Variants in CLIP4 observed in about 807,000 individuals in gnomAD.
CLIP4 encodes CAP-Gly domain-containing linker protein 4.
In CLIP4, 47 loss-of-function variants were observed where a neutral mutation model predicts 73.1. That is an observed-to-expected ratio of 0.64 (90% CI 0.51 to 0.82). The LOEUF is 0.82. Among genes scored for constraint, CLIP4 ranks in the 40% least tolerant of loss-of-function variants. The probability of loss-of-function intolerance (pLI) is 0.00; values close to 1 mark genes in which losing one functional copy is unlikely to be tolerated. For missense variants in CLIP4, 874 were observed against 852.9 expected (o/e 1.02, Z -0.31); for synonymous variants, 306 against 295.4 (o/e 1.04, Z -0.37).
chr2:29,175,792 T>C (rs912142675), intron 15 of CLIP4, among the ~76,000 whole-genome samples: 17 of 152,282 alleles, frequency 1.1e-4, no homozygotes, highest in African/African-American at 3.1e-4. Context: ...GACAGAGTCT[T>C]GCTCTGTCAC....
At chr2:29,157,458 T>C in intron 11 of CLIP4, 111 bp downstream of exon 11, 2 of 1,561,512 alleles carry the variant, frequency 1.3e-6, no homozygotes, top group Non-Finnish European at 1.8e-6. Context: ...TTCAATCAGA[T>C]TGAACTACTT....
chr2:29,174,506 A>C, intron 15 of CLIP4, 61 bp downstream of exon 15: 1 of 1,577,902 alleles, frequency 6.3e-7, no homozygotes, highest in Non-Finnish European at 8.6e-7. Flanking sequence ...GATTCTGTGA[A>C]GAAAGAAAAG....
chr2:29,121,049 C>T (rs532639844), intron 1 of CLIP4, among the ~76,000 whole-genome samples: 27 of 152,254 alleles, frequency 1.8e-4, no homozygotes, highest in African/African-American at 4.3e-4. Context: ...AGGGTTAATA[C>T]GCCCTTGTTT....
intron 2 of CLIP4, among the ~76,000 whole-genome samples, chr2:29,123,551 G>A (rs1664403145): frequency 6.6e-6 from 1 of 152,232 alleles, no homozygotes; most frequent in South Asian, 2.1e-4. Context: ...ATCAGAAGAG[G>A]CTGGCTGTGA....
chr2:29,180,478 C>T (rs114555987), intron 15 of CLIP4, among the ~76,000 whole-genome samples: 16 of 152,238 alleles, frequency 1.1e-4, no homozygotes, highest in Non-Finnish European at 2.2e-4. Context: ...GGCAGCTGCT[C>T]AAGGCACCTC....
intron 15 of CLIP4, among the ~76,000 whole-genome samples, chr2:29,178,457 A>T (rs1247481299): frequency 1.3e-5 from 2 of 152,162 alleles, no homozygotes; most frequent in Non-Finnish European, 2.9e-5. Context: ...CAGGGATTAC[A>T]GGTGTGCACC....
chr2:29,153,249 T>C (rs1666700803), intron 9 of CLIP4, among the ~76,000 whole-genome samples: 1 of 152,118 alleles, frequency 6.6e-6, no homozygotes, highest in Non-Finnish European at 1.5e-5. Flanking sequence ...ACGGCTTCCA[T>C]AGGTGAACTA....
At chr2:29,137,830 G>C (rs1164408099) in intron 6 of CLIP4, among the ~76,000 whole-genome samples, 1 of 152,078 alleles carries the variant, frequency 6.6e-6, no homozygotes, top group Non-Finnish European at 1.5e-5. Context: ...AGAAGTGTCT[G>C]TTCATGTTCT....
At chr2:29,133,021 C>T (rs926975191) in intron 4 of CLIP4, among the ~76,000 whole-genome samples, 3 of 152,014 alleles carry the variant, frequency 2.0e-5, no homozygotes, top group Non-Finnish European at 2.9e-5. Flanking sequence ...GACCTTGTCT[C>T]TACAAAAAAT....
chr2:29,144,700 AG>A (rs775439764), intron 7 of CLIP4, among the ~76,000 whole-genome samples: 2 of 150,060 alleles, frequency 1.3e-5, no homozygotes, highest in Non-Finnish European at 3.0e-5. Flanking sequence ...CTGTCCCTTC[AG>A]TTTTTTCTTA....
At chr2:29,160,208 A>G in intron 11 of CLIP4, 125 bp from the exon 12 acceptor site, 1 of 1,163,610 alleles carries the variant, frequency 8.6e-7, no homozygotes, top group Non-Finnish European at 1.2e-6. Flanking sequence ...CAAAATCACC[A>G]ACTAACTAGA....
At chr2:29,174,538 T>C in intron 15 of CLIP4, 93 bp downstream of exon 15, 1 of 1,519,904 alleles carries the variant, frequency 6.6e-7, no homozygotes, top group East Asian at 2.3e-5. Context: ...ATCTTTTGCA[T>C]TGCTTGGTAG....
chr2:29,161,048 C>T (rs1318536263), intron 12 of CLIP4, among the ~76,000 whole-genome samples: 2 of 152,058 alleles, frequency 1.3e-5, no homozygotes, highest in Non-Finnish European at 1.5e-5. Flanking sequence ...GATCTCAGCT[C>T]ACCGCAACCT....
chr2:29,133,160 T>A (rs1209362179), intron 4 of CLIP4, among the ~76,000 whole-genome samples: 1 of 152,140 alleles, frequency 6.6e-6, no homozygotes, highest in Non-Finnish European at 1.5e-5. Context: ...TACACTGCAA[T>A]CTGGGTGACA....
chr2:29,157,959 C>G (rs1380713347), intron 11 of CLIP4, among the ~76,000 whole-genome samples: 1 of 152,154 alleles, frequency 6.6e-6, no homozygotes. Context: ...CTCTTTATTA[C>G]CAGATTCTTT....
intron 7 of CLIP4, among the ~76,000 whole-genome samples, chr2:29,144,296 A>G (rs1665994649): frequency 6.6e-6 from 1 of 152,132 alleles, no homozygotes; most frequent in Non-Finnish European, 1.5e-5. Flanking sequence ...CTGCTCCTCC[A>G]TAGAAATGGA....
intron 12 of CLIP4, 30 bp from the exon 13 acceptor site, chr2:29,163,801 T>C (rs1373794097): frequency 1.2e-6 from 2 of 1,600,812 alleles, no homozygotes; most frequent in African/African-American, 1.3e-5. Context: ...AAAGTACAGA[T>C]GCTTTTGAAA....
At chr2:29,108,918 A>G (rs561814205) in intron 1 of CLIP4, among the ~76,000 whole-genome samples, 80 of 152,316 alleles carry the variant, frequency 5.3e-4, no homozygotes, top group African/African-American at 1.9e-3. Flanking sequence ...AAGTCTGGAC[A>G]TTGCAGGCTG....
At chr2:29,156,175 C>G (rs1666909252) in intron 9 of CLIP4, among the ~76,000 whole-genome samples, 179 bp from the exon 10 acceptor site, 1 of 152,202 alleles carries the variant, frequency 6.6e-6, no homozygotes, top group African/African-American at 2.4e-5. Context: ...GTTACTGTCT[C>G]CTTCTCGTAT....
Sources: allele counts gnomAD v4.1 joint callset (sites outside exome capture counted in the v4.1 genomes callset), GRCh38; gene constraint gnomAD v4.1.1; transcripts MANE v1.5; gene names NCBI Gene and HGNC (gene_info 2026-07-23, HGNC 2026-07-21).